The following ARHGEF33 variants were observed in gnomAD, a reference collection of about 807,000 sequenced individuals.
ARHGEF33 encodes the protein DH and coiled-coil domain-containing protein ENSP00000381780.
ARHGEF33 carries 72 observed loss-of-function variants against 101.9 expected under a neutral mutation model. The observed-to-expected ratio is 0.71, with a 90% CI of 0.58 to 0.86. The LOEUF (loss-of-function observed/expected upper bound fraction) is 0.86. Ranked by LOEUF, ARHGEF33 falls within the 40% of genes least tolerant of loss-of-function variation. ARHGEF33 has a pLI of 0.00. For missense variants in ARHGEF33, 1,169 were observed against 1,111.3 expected (o/e 1.05, Z -0.74); for synonymous variants, 499 against 442.5 (o/e 1.13, Z -1.60).
At chr2:38,914,403 C>T (rs1246085221) in intron 2 of ARHGEF33, among the ~76,000 whole-genome samples, 4 of 152,190 alleles carry the variant, frequency 2.6e-5, no homozygotes, top group Non-Finnish European at 4.4e-5. Context: ...TGTGGTGGCT[C>T]ACGCCTGTAA....
At chr2:38,914,002 C>T (rs1007436151) in intron 2 of ARHGEF33, among the ~76,000 whole-genome samples, 86 of 151,872 alleles carry the variant, frequency 5.7e-4, no homozygotes, top group African/African-American at 9.7e-4. Context: ...AGTAAGTATA[C>T]GATATAGAGA....
chr2:38,930,145 G>A (rs948475425), intron 6 of ARHGEF33, among the ~76,000 whole-genome samples: 4 of 152,146 alleles, frequency 2.6e-5, no homozygotes, highest in Non-Finnish European at 1.5e-5. Context: ...TGATAGTTGT[G>A]TTAAGATAGT....
chr2:38,940,418 T>A (rs1324775214), intron 9 of ARHGEF33, among the ~76,000 whole-genome samples: 1 of 151,488 alleles, frequency 6.6e-6, no homozygotes, highest in East Asian at 1.9e-4. Flanking sequence ...CACAAGCCAC[T>A]ATGCCCAGCC....
Position 38,958,336 on chromosome 2 carries a change from C to A in ARHGEF33, c.1535+138C>A, listed in dbSNP as rs918858791. On this transcript the variant is annotated intron_variant, in intron 15 of 17. Transcript: ENST00000409978. ...ATATGTGCCAACCAAGCAGCCAACC[C>A]GATTCTTGGGTCCCAGAGGAAGGCA... 3.3e-5 allele frequency: 36 copies of A among 1,105,144 alleles called. No individual in the cohort carries two copies. In the African/African-American group the frequency reaches 5.2e-4, roughly 16 times the overall value. The allele number at this position is 1,105,144 out of a possible 1,614,324, so 68.5% of individuals were successfully genotyped here. A position where few individuals can be genotyped will look rare whatever the true frequency, so the allele number is the denominator to read the frequency against.
chr2:38,947,647 G>A (rs1369145167), intron 10 of ARHGEF33, among the ~76,000 whole-genome samples: 3 of 152,222 alleles, frequency 2.0e-5, no homozygotes, highest in East Asian at 1.9e-4. Context: ...GATCACAGAA[G>A]TTGGAGTTCT....
intron 2 of ARHGEF33, 32 bp downstream of exon 2, chr2:38,895,881 A>G (rs1666111654): frequency 6.6e-6 from 1 of 152,206 alleles, no homozygotes; most frequent in African/African-American, 2.4e-5. Context: ...CTGTTTTCTA[A>G]TAAGAACACA....
At chr2:38,905,009 A>T (rs1014522438) in intron 2 of ARHGEF33, among the ~76,000 whole-genome samples, 17 of 152,240 alleles carry the variant, frequency 1.1e-4, no homozygotes, top group African/African-American at 4.1e-4. Context: ...AGGTCTTGAG[A>T]GTGGGTCAGT....
chr2:38,954,288 T>C, intron 12 of ARHGEF33, 85 bp from the exon 13 acceptor site: 1 of 791,400 alleles, frequency 1.3e-6, no homozygotes, highest in Admixed American at 2.1e-5. Flanking sequence ...GAGGAAACCC[T>C]TCCTACCCTG....
chr2:38,922,539 C>G (rs1278005450), intron 4 of ARHGEF33, among the ~76,000 whole-genome samples: 1 of 152,154 alleles, frequency 6.6e-6, no homozygotes, highest in Non-Finnish European at 1.5e-5. Context: ...ACCATATTGT[C>G]CCTAGACTCA....
intron 16 of ARHGEF33, among the ~76,000 whole-genome samples, chr2:38,964,900 A>G (rs538687160): frequency 7.6e-4 from 116 of 152,170 alleles, no homozygotes; most frequent in Non-Finnish European, 1.4e-3. Flanking sequence ...TTTTAAATAA[A>G]GGCCCAACCT....
At chr2:38,959,493 C>T in intron 15 of ARHGEF33, 1 of 211,874 alleles carries the variant, frequency 4.7e-6, no homozygotes, top group Non-Finnish European at 9.3e-6. Context: ...TTCCGTATGA[C>T]TCTGCTAGGG....
chr2:38,908,822 G>T (rs529436018), intron 2 of ARHGEF33, among the ~76,000 whole-genome samples: 12 of 152,266 alleles, frequency 7.9e-5, no homozygotes, highest in African/African-American at 2.9e-4. Context: ...GGAACAAGGG[G>T]ATATATTTCT....
At chr2:38,929,646 A>T in intron 5 of ARHGEF33, 63 bp from the exon 6 acceptor site, 1 of 1,371,236 alleles carries the variant, frequency 7.3e-7, no homozygotes, top group Admixed American at 2.2e-5. Flanking sequence ...ACAGTGTGCT[A>T]GATTATGTTA....
At chr2:38,923,889 C>T (rs1666812553) in intron 4 of ARHGEF33, among the ~76,000 whole-genome samples, 2 of 152,122 alleles carry the variant, frequency 1.3e-5, no homozygotes, top group African/African-American at 4.8e-5. Context: ...TATTTTGTCT[C>T]CAAATGTGAA....
At chr2:38,940,546 C>T (rs1020006365) in intron 9 of ARHGEF33, among the ~76,000 whole-genome samples, 6 of 152,066 alleles carry the variant, frequency 3.9e-5, no homozygotes, top group Non-Finnish European at 8.8e-5. Context: ...TTATATTTCT[C>T]CTCTGTTCGA....
intron 13 of ARHGEF33, among the ~76,000 whole-genome samples, chr2:38,955,243 A>C (rs1032273688): frequency 3.7e-4 from 57 of 152,292 alleles, no homozygotes; most frequent in African/African-American, 1.3e-3. Context: ...GAAGATGATG[A>C]GCTGATGTCT....
intron 2 of ARHGEF33, among the ~76,000 whole-genome samples, chr2:38,897,286 A>G (rs1271571538): frequency 2.6e-5 from 4 of 152,218 alleles, no homozygotes; most frequent in Non-Finnish European, 4.4e-5. Context: ...TCACACTTGA[A>G]CATATGAAAA....
chr2:38,950,940 T>TTC, intron 10 of ARHGEF33, 49 bp from the exon 11 acceptor site: 1 of 1,532,308 alleles, frequency 6.5e-7, no homozygotes, highest in Non-Finnish European at 8.8e-7. Context: ...GTAGGGTCCT[T>TTC]TCTTCTCTAC....
intron 9 of ARHGEF33, 115 bp from the exon 10 acceptor site, chr2:38,943,786 A>G: frequency 1.9e-6 from 2 of 1,054,622 alleles, no homozygotes; most frequent in Non-Finnish European, 2.6e-6. Context: ...AAAAACTTGC[A>G]GATGGTTTTT....
Sources: allele counts gnomAD v4.1 joint callset (sites outside exome capture counted in the v4.1 genomes callset), GRCh38; gene constraint gnomAD v4.1.1; transcripts MANE v1.5; gene names NCBI Gene and HGNC (gene_info 2026-07-23, HGNC 2026-07-21).